SYNPR: variants seen among roughly 807,000 people sequenced by gnomAD.
The protein encoded by SYNPR is synaptoporin.
SYNPR carries 23 observed loss-of-function variants against 32.9 expected under a neutral mutation model. The ratio of observed to expected loss-of-function variants is 0.70; its 90% CI spans 0.50 to 0.99. The LOEUF is 0.99. Among genes scored for constraint, SYNPR ranks in the 50% least tolerant of loss-of-function variants. SYNPR has a pLI of 0.00. For synonymous variants in SYNPR, 146 were observed against 135.9 expected, an observed-to-expected ratio of 1.07 and a Z score of -0.52; for missense variants, 318 against 349.3, an observed-to-expected ratio of 0.91 and a Z score of 0.71.
At chr3:63,243,171 T>C (rs991610862) in intron 1 of SYNPR, among the ~76,000 whole-genome samples, 2 of 151,830 alleles carry the variant, frequency 1.3e-5, no homozygotes, top group Non-Finnish European at 2.9e-5. Context: ...TAATCAAGAA[T>C]TGTCCAGAAT....
intron 4 of SYNPR, among the ~76,000 whole-genome samples, chr3:63,563,149 G>C (rs1350213790): frequency 2.6e-5 from 4 of 152,130 alleles, no homozygotes; most frequent in South Asian, 2.1e-4. Context: ...TCTTCCTCCA[G>C]TCCTTCTATC....
At chr3:63,333,284 C>A (rs553485298) in intron 2 of SYNPR, among the ~76,000 whole-genome samples, 1 of 151,900 alleles carries the variant, frequency 6.6e-6, no homozygotes, top group Admixed American at 6.6e-5. Flanking sequence ...TTCCACACCC[C>A]CTCCTGCTCC....
At chr3:63,600,149 G>A (rs1700016912) in intron 4 of SYNPR, among the ~76,000 whole-genome samples, 1 of 152,200 alleles carries the variant, frequency 6.6e-6, no homozygotes, top group Admixed American at 6.5e-5. Context: ...AAGTAAAATG[G>A]GGATAATGTA....
intron 2 of SYNPR, among the ~76,000 whole-genome samples, chr3:63,379,728 T>G (rs1434604390): frequency 2.6e-5 from 4 of 152,160 alleles, no homozygotes; most frequent in Non-Finnish European, 5.9e-5. Flanking sequence ...AGGGTACATG[T>G]GCACAAGGTA....
At chr3:63,277,265 G>A (rs577810818), upstream of SYNPR, among the ~76,000 whole-genome samples, 168 of 152,214 alleles carry the variant, frequency 1.1e-3, 2 homozygotes, top group African/African-American at 3.9e-3. Context: ...TTAACTTATG[G>A]GGGTTTGTGA....
intron 3 of SYNPR, among the ~76,000 whole-genome samples, chr3:63,542,159 G>A (rs760053105): frequency 2.0e-4 from 30 of 152,164 alleles, no homozygotes; most frequent in Admixed American, 9.2e-4. Flanking sequence ...CTAGAATCTC[G>A]TTCTCTCTCT....
At chr3:63,506,001 T>C (rs1440722369) in intron 3 of SYNPR, among the ~76,000 whole-genome samples, 3 of 152,150 alleles carry the variant, frequency 2.0e-5, no homozygotes, top group Admixed American at 6.6e-5. Flanking sequence ...TCTGGACTTA[T>C]TTCATTTTTT....
chr3:63,390,512 A>G (rs1575620921), intron 2 of SYNPR, among the ~76,000 whole-genome samples: 1 of 152,208 alleles, frequency 6.6e-6, no homozygotes, highest in Non-Finnish European at 1.5e-5. Flanking sequence ...CTCATCTGCT[A>G]TTGTGGGGAT....
chr3:63,556,852 A>C (rs1452321493), intron 4 of SYNPR, 111 bp downstream of exon 4: 1 of 1,032,218 alleles, frequency 9.7e-7, no homozygotes, highest in Non-Finnish European at 1.4e-6. Context: ...TTTGAAAGGA[A>C]ATCACATTCT....
chr3:63,265,751 C>T (rs893063715), intron 2 of SYNPR, among the ~76,000 whole-genome samples: 1 of 152,192 alleles, frequency 6.6e-6, no homozygotes, highest in Admixed American at 6.5e-5. Context: ...CATCACTAGA[C>T]TTTCACATTC....
At chr3:63,418,152 A>T (rs1339870754) in intron 2 of SYNPR, among the ~76,000 whole-genome samples, 1 of 152,074 alleles carries the variant, frequency 6.6e-6, no homozygotes, top group Non-Finnish European at 1.5e-5. Flanking sequence ...CCACTTAGAA[A>T]TTTCTTCCTA....
At chr3:63,210,576 G>C in the SYNPR span, among the ~76,000 whole-genome samples, 1 of 152,114 alleles carries the variant, frequency 6.6e-6, no homozygotes, top group African/African-American at 2.4e-5. Flanking sequence ...TCCCTTCTTA[G>C]TTATTCTCAC....
intron 2 of SYNPR, among the ~76,000 whole-genome samples, chr3:63,440,757 G>T (rs899597367): frequency 7.9e-5 from 12 of 152,120 alleles, no homozygotes; most frequent in Admixed American, 3.3e-4. Flanking sequence ...GACAAATTCT[G>T]GGACACAGCC....
At chr3:63,235,305 A>G (rs2086193079) in intron 1 of SYNPR, among the ~76,000 whole-genome samples, 1 of 152,152 alleles carries the variant, frequency 6.6e-6, no homozygotes, top group Admixed American at 6.5e-5. Flanking sequence ...AAGGAACATA[A>G]TCCTTATCCT....
intron 2 of SYNPR, among the ~76,000 whole-genome samples, chr3:63,257,497 C>A (rs6445332): frequency 0.85 from 128,429 of 151,310 alleles, 55,336 homozygotes; most frequent in African/African-American, 0.95. Context: ...GAAATAAAAT[C>A]CTTTACAGAC....
chr3:63,308,338 CAT>C (rs1235834391), intron 2 of SYNPR, among the ~76,000 whole-genome samples: 1 of 151,884 alleles, frequency 6.6e-6, no homozygotes, highest in African/African-American at 2.4e-5. Context: ...TTGACTTAGA[CAT>C]ATTTTATTTT....
chr3:63,541,483 A>G (rs1702301816), intron 3 of SYNPR, among the ~76,000 whole-genome samples: 1 of 152,112 alleles, frequency 6.6e-6, no homozygotes, highest in African/African-American at 2.4e-5. Flanking sequence ...CTGAGTTATC[A>G]CAGGCCATCA....
exon 2 of SYNPR, chr3:63,252,519 C>A (rs7642665): frequency 4.6e-5 from 7 of 152,068 alleles, no homozygotes; most frequent in African/African-American, 7.2e-5. Context: ...TGTTACACTG[C>A]GCCTTTAAGG....
At chr3:63,420,562 G>A (rs1185921508) in intron 2 of SYNPR, among the ~76,000 whole-genome samples, 2 of 151,880 alleles carry the variant, frequency 1.3e-5, no homozygotes, top group African/African-American at 4.8e-5. Context: ...AAGAATTAAA[G>A]ACCTAATTGT....
Sources: allele counts gnomAD v4.1 joint callset (sites outside exome capture counted in the v4.1 genomes callset), GRCh38; gene constraint gnomAD v4.1.1; transcripts MANE v1.5; gene names NCBI Gene and HGNC (gene_info 2026-07-23, HGNC 2026-07-21).